NALF1: variants seen among roughly 807,000 people sequenced by gnomAD.
The protein encoded by NALF1 is family with sequence similarity 155 member A.
Under a neutral mutation model 48.4 loss-of-function variants are expected in NALF1, and 3 were observed. The observed-to-expected ratio is 0.06, with a 90% CI of 0.03 to 0.16. NALF1 has a LOEUF of 0.16. Among genes scored for constraint, NALF1 ranks in the 10% least tolerant of loss-of-function variants. The probability of loss-of-function intolerance (pLI) is 1.00; values close to 1 mark genes in which losing one functional copy is unlikely to be tolerated. For synonymous variants in NALF1, 262 were observed against 245.7 expected, an observed-to-expected ratio of 1.07 and a Z score of -0.62; for missense variants, 526 against 571.5, an observed-to-expected ratio of 0.92 and a Z score of 0.81.
intron 1 of NALF1, among the ~76,000 whole-genome samples, chr13:107,309,658 G>A (rs1382451459): frequency 6.6e-6 from 1 of 152,178 alleles, no homozygotes; most frequent in Non-Finnish European, 1.5e-5. Flanking sequence ...GTGGAGATTG[G>A]TGGTTAAGAC....
intron 1 of NALF1, among the ~76,000 whole-genome samples, chr13:107,603,472 C>A (rs1277923699): frequency 1.3e-5 from 2 of 152,088 alleles, no homozygotes; most frequent in Non-Finnish European, 2.9e-5. Context: ...CATCAACATG[C>A]ACATAGTACA....
chr13:107,415,059 G>A (rs1884062285), intron 1 of NALF1, among the ~76,000 whole-genome samples: 1 of 152,002 alleles, frequency 6.6e-6, no homozygotes, highest in South Asian at 2.1e-4. Flanking sequence ...TCAACATTAA[G>A]CAAAATAATA....
chr13:107,746,463 G>A (rs1419980611), intron 1 of NALF1, among the ~76,000 whole-genome samples: 2 of 152,120 alleles, frequency 1.3e-5, no homozygotes, highest in Non-Finnish European at 2.9e-5. Flanking sequence ...ACATTCCATT[G>A]CCAAACGTGA....
intron 1 of NALF1, among the ~76,000 whole-genome samples, chr13:107,823,005 C>T (rs1299227319): frequency 1.3e-5 from 2 of 152,170 alleles, no homozygotes; most frequent in South Asian, 4.1e-4. Context: ...CTGCTGAGGT[C>T]TGCTGAGAAT....
At chr13:107,184,811 T>C (rs946758305) in intron 2 of NALF1, among the ~76,000 whole-genome samples, 8 of 152,220 alleles carry the variant, frequency 5.3e-5, no homozygotes, top group African/African-American at 1.9e-4. Flanking sequence ...GTATATTTTA[T>C]TAGCATCCAT....
intron 1 of NALF1, among the ~76,000 whole-genome samples, chr13:107,540,006 AAAC>A (rs1168318840): frequency 6.6e-6 from 1 of 152,042 alleles, no homozygotes; most frequent in African/African-American, 2.4e-5. Flanking sequence ...ATTAAAAACA[AAAC>A]AAGAGGAAAA....
chr13:107,372,153 G>A (rs1046462031), intron 1 of NALF1, among the ~76,000 whole-genome samples: 3 of 152,122 alleles, frequency 2.0e-5, no homozygotes, highest in Non-Finnish European at 4.4e-5. Flanking sequence ...ATTACGAGAT[G>A]AACTAAAGTC....
At chr13:107,314,376 C>T (rs1173843222) in intron 1 of NALF1, among the ~76,000 whole-genome samples, 2 of 152,120 alleles carry the variant, frequency 1.3e-5, no homozygotes, top group African/African-American at 4.8e-5. Context: ...CTTAATGAGA[C>T]TCTGGGAGTT....
chr13:107,516,960 T>TA (rs960701467), intron 1 of NALF1, among the ~76,000 whole-genome samples: 48 of 152,334 alleles, frequency 3.2e-4, no homozygotes, highest in African/African-American at 1.1e-3. Context: ...ATCCATTTAC[T>TA]AGGCTGACAT....
At chr13:107,243,947 C>G (rs945950191) in intron 1 of NALF1, among the ~76,000 whole-genome samples, 9 of 152,100 alleles carry the variant, frequency 5.9e-5, no homozygotes, top group African/African-American at 1.9e-4. Flanking sequence ...ATTGGCTGGA[C>G]AAAGCAATAC....
chr13:107,820,831 T>C (rs1879340712), intron 1 of NALF1, among the ~76,000 whole-genome samples: 1 of 152,206 alleles, frequency 6.6e-6, no homozygotes, highest in Non-Finnish European at 1.5e-5. Context: ...TATTTCATGA[T>C]CTAGTCCATA....
At chr13:107,643,875 G>C (rs552355454) in intron 1 of NALF1, among the ~76,000 whole-genome samples, 97 of 151,922 alleles carry the variant, frequency 6.4e-4, no homozygotes, top group African/African-American at 2.3e-3. Flanking sequence ...GTCAGAGCTT[G>C]GTCTGCCCAT....
intron 1 of NALF1, among the ~76,000 whole-genome samples, chr13:107,386,269 AT>A (rs1279895375): frequency 1.3e-5 from 2 of 152,198 alleles, no homozygotes; most frequent in Admixed American, 1.3e-4. Flanking sequence ...TATTCACAAA[AT>A]AAAGTGTCTA....
chr13:107,337,642 T>A (rs1566488920), intron 1 of NALF1, among the ~76,000 whole-genome samples: 1 of 152,172 alleles, frequency 6.6e-6, no homozygotes, highest in African/African-American at 2.4e-5. Context: ...CATTATTGTA[T>A]AATTTCCTCT....
chr13:107,666,070 T>A (rs1308885542), intron 1 of NALF1, among the ~76,000 whole-genome samples: 1 of 152,162 alleles, frequency 6.6e-6, no homozygotes, highest in Non-Finnish European at 1.5e-5. Context: ...TGAAAACTCT[T>A]GCAAAATTGC....
chr13:107,193,904 G>GAA (rs1341607292), intron 2 of NALF1, among the ~76,000 whole-genome samples: 1 of 151,918 alleles, frequency 6.6e-6, no homozygotes, highest in Non-Finnish European at 1.5e-5. Flanking sequence ...TGGCACTAGA[G>GAA]AGAGAGAGAG....
At chr13:107,334,936 A>G (rs919827469) in intron 1 of NALF1, among the ~76,000 whole-genome samples, 2 of 152,144 alleles carry the variant, frequency 1.3e-5, no homozygotes, top group African/African-American at 4.8e-5. Context: ...GGCTCATGTT[A>G]CTGCTTGTTA....
chr13:107,207,693 G>C (rs1428623729), intron 2 of NALF1, among the ~76,000 whole-genome samples: 1 of 152,174 alleles, frequency 6.6e-6, no homozygotes, highest in Non-Finnish European at 1.5e-5. Context: ...ATGCTGCCCA[G>C]GCTGGAGTGC....
At chr13:107,203,195 T>C (rs537040759) in intron 2 of NALF1, among the ~76,000 whole-genome samples, 15 of 152,324 alleles carry the variant, frequency 9.8e-5, no homozygotes, top group African/African-American at 3.6e-4. Flanking sequence ...AAATCTCACT[T>C]GGCCATATTC....
Sources: allele counts gnomAD v4.1 joint callset (sites outside exome capture counted in the v4.1 genomes callset), GRCh38; gene constraint gnomAD v4.1.1; transcripts MANE v1.5; gene names NCBI Gene and HGNC (gene_info 2026-07-23, HGNC 2026-07-21).